The following NUAK2 variants were observed in gnomAD, a reference collection of about 807,000 sequenced individuals.
NUAK2 encodes the protein NUAK family SNF1-like kinase 2.
NUAK2 carries 20 observed loss-of-function variants against 29.8 expected under a neutral mutation model. That is an observed-to-expected ratio of 0.67 (90% confidence interval 0.47 to 0.98). The LOEUF (loss-of-function observed/expected upper bound fraction) is 0.98. Ranked by LOEUF, NUAK2 falls within the 50% of genes least tolerant of loss-of-function variation. NUAK2 has a pLI of 0.00. For missense variants in NUAK2, 719 were observed against 834.5 expected (o/e 0.86, Z 1.71); for synonymous variants, 331 against 342.6 (o/e 0.97, Z 0.37).
intron 1 of NUAK2, among the ~76,000 whole-genome samples, chr1:205,314,013 G>A (rs1289867559): frequency 6.6e-6 from 1 of 152,220 alleles, no homozygotes; most frequent in East Asian, 1.9e-4. Context: ...CTGCTCGAGG[G>A]GAGGAGCCTC....
At chr1:205,318,679 T>G (rs2102260925) in intron 1 of NUAK2, among the ~76,000 whole-genome samples, 1 of 152,358 alleles carries the variant, frequency 6.6e-6, no homozygotes, top group Non-Finnish European at 1.5e-5. Context: ...CTCCACCATT[T>G]CAGAGACCCC....
intron 5 of NUAK2, among the ~76,000 whole-genome samples, 158 bp downstream of exon 5, chr1:205,306,030 A>T (rs1322485161): frequency 6.6e-6 from 1 of 152,218 alleles, no homozygotes; most frequent in East Asian, 1.9e-4. Context: ...TAGTTTTGCC[A>T]TTCCTGGCTA....
Position 205,321,601 on chromosome 1 carries a change from A to T in NUAK2, c.28T>A (p.Ser10Thr). The change falls in exon 1 of 7, where the codon TCC becomes ACC. Residue 10 changes from serine to threonine, a missense_variant. This residue lies in a region of NUAK2 where 283 missense variants were observed against 345.6 expected (regional missense o/e 0.82). Transcript: ENST00000367157. MESLVFARR[S>T]GPTPSAAELA... ...TCTGCGGCCGAGGGAGTGGGGCCGG[A>T]GCGCCGCGCGAAAACCAGCGACTCC... 6.2e-7 allele frequency: 1 copy of T among 1,611,592 alleles called. No individual in the cohort carries two copies. The highest frequency in any genetic ancestry group is 8.5e-7 in the Non-Finnish European group (1 of 1,179,650).
intron 2 of NUAK2, among the ~76,000 whole-genome samples, chr1:205,311,398 G>A (rs1401396468): frequency 6.6e-6 from 1 of 152,172 alleles, no homozygotes; most frequent in Non-Finnish European, 1.5e-5. Flanking sequence ...AAAAAAACCT[G>A]CAATTCCTTG....
At position 205,304,404 on chromosome 1, in the gene NUAK2, C is replaced by T. The variant is rs368444433; in HGVS notation, c.933G>A (p.Val311=). Residue 311 remains valine, a synonymous_variant, in exon 7 of 7, where the codon GTG becomes GTA. Coordinates refer to ENST00000367157, the MANE Select transcript of NUAK2 (RefSeq NM_030952.3). The surrounding 1 kb of genome is among the most constrained non-coding windows in gnomAD (Gnocchi z 6.5). The stretch of plus-strand genomic sequence containing the variant: ...CCTCATGCGGAGCCTCCTGCTCTCC[C>T]ACTCGGGTGGCGTAGCCCCAGTTGA... ...WWVNWGYATR[V]GEQEAPHEGG... is the part of the protein sequence containing the mutation. The T allele has an allele frequency of 6.7e-4, 1,081 of 1,602,730 alleles. 1 individual carries two copies. Among genetic ancestry groups the T allele is most frequent in the Non-Finnish European group, 5.5e-4 (646 of 1,173,114 alleles).
At position 205,308,523 on chromosome 1, in the gene NUAK2, G is replaced by A. The variant is rs1662212266; in HGVS notation, c.504+58C>T. ...CATGGAACCTCTCTGGTCCAAAACA[G>A]CCCTAGAGCCCTGGGGACCACCCAC... On this transcript the variant is annotated intron_variant, in intron 3 of 6. Transcript: ENST00000367157. The surrounding 1 kb of genome is among the most constrained non-coding windows in gnomAD (Gnocchi z 4.1). 1 of 1,574,882 alleles carries A rather than the reference G, an allele frequency of 6.3e-7. No individual in the cohort carries two copies. Among genetic ancestry groups the A allele is most frequent in the South Asian group, 1.1e-5 (1 of 89,230 alleles).
Position 205,303,408 on chromosome 1 carries a change from G to A in NUAK2, c.*42C>T. ...ATCTCCCCTCGGGGTGCAACCAGCT[G>A]CATCTGAGAGCCTGACCGGGCTGGG... On this transcript the variant is annotated 3_prime_UTR_variant, in exon 7 of 7. Transcript: ENST00000367157. 1 of 1,488,828 alleles carries A rather than the reference G, an allele frequency of 6.7e-7. No individual in the cohort carries two copies. The highest frequency in any genetic ancestry group is 9.0e-7 in the Non-Finnish European group (1 of 1,111,568). 92.2% of individuals were successfully genotyped at this position (1,488,828 alleles called of 1,614,324 possible). A position where few individuals can be genotyped will look rare whatever the true frequency, so the allele number is the denominator to read the frequency against.
intron 1 of NUAK2, 54 bp downstream of exon 1, chr1:205,321,344 T>C (rs879929770): frequency 1.3e-6 from 2 of 1,494,066 alleles, no homozygotes; most frequent in South Asian, 1.3e-5. Flanking sequence ...CTCCGCTCCC[T>C]GCCGGCGGCC....
In NUAK2 at chr1:205,310,703, C is replaced by T. The variant is rs557136770; in HGVS notation, c.352+1002G>A. ...ACACACATATATATACACACACACA[C>T]CCCAATCACCACACTCAGCCTGGCT... On this transcript the variant is annotated intron_variant, in intron 2 of 6. Coordinates refer to ENST00000367157, the MANE Select transcript of NUAK2 (RefSeq NM_030952.3). 2.3e-3 allele frequency among the ~76,000 whole-genome samples: 355 copies of T among 152,274 alleles called. 2 individuals are homozygous for T. Among genetic ancestry groups the T allele is most frequent in the African/African-American group, 8.1e-3 (338 of 41,544 alleles).
Position 205,303,473 on chromosome 1 carries a change from T to TTTGAG in NUAK2, c.1863_1864insCTCAA (p.Arg622LeufsTer48). The TTTGAG allele has an allele frequency of 6.3e-7, 1 of 1,598,916 alleles. No homozygotes were observed. The highest frequency in any genetic ancestry group is 1.3e-5 in the African/African-American group (1 of 74,578). ...ACTCAGGTGAGCTTTGAGCAGACCC[T>TTTGAG]CAGTGCCTGTCGGTAGGTCGCTGTC... On this transcript the variant is annotated frameshift_variant, in exon 7 of 7. Transcript: ENST00000367157. LOFTEE classifies it high-confidence loss of function.
chr1:205,321,167 A>G (rs2102263188), intron 1 of NUAK2, among the ~76,000 whole-genome samples: 1 of 152,304 alleles, frequency 6.6e-6, no homozygotes, highest in African/African-American at 2.4e-5. Flanking sequence ...CAATCATCAC[A>G]GCAGTACGGT....
rs1288415428 is a variant in NUAK2, at chr1:205,308,582, T to C, written c.503A>G (p.Gln168Arg). The stretch of plus-strand genomic sequence containing the variant: ...TGGCTGGAGCAGGTAGGTGCTCACC[T>C]GATGGCAATAGTGCACGGCAGAGAC... ...QIVSAVHYCH[Q>R]NRVVHRDLKL... The change falls in exon 3 of 7, where the codon CAG becomes CGG. Residue 168 changes from glutamine to arginine, a missense_variant and splice_region_variant. Transcript: ENST00000367157. The surrounding 1 kb of genome is among the most constrained non-coding windows in gnomAD (Gnocchi z 4.1). 1.2e-6 allele frequency: 2 copies of C among 1,613,278 alleles called. No individual in the cohort carries two copies. The highest frequency in any genetic ancestry group is 1.7e-6 in the Non-Finnish European group (2 of 1,179,388).
chr1:205,303,922 A>C lies in NUAK2; in HGVS notation c.1415T>G (p.Leu472Trp). The change falls in exon 7 of 7, where the codon TTG (leucine) becomes TGG (tryptophan). Residue 472 changes from leucine to tryptophan, a missense_variant. Physicochemically the swap from Leu to Trp is moderately conservative, Grantham distance 61 (BLOSUM62 -2). This residue lies in a region of NUAK2 where 430 missense variants were observed against 465.7 expected (regional missense o/e 0.92). Coordinates refer to ENST00000367157, the MANE Select transcript of NUAK2 (RefSeq NM_030952.3). ...ACTCACAAACACGTCGCCTGCGTCC[A>C]AGAGCTCCCCAGATTCACTGGGCTC... ...SPEPSESGEL[L>W]DAGDVFVSGD... The C allele has an allele frequency of 6.2e-7, 1 of 1,614,028 alleles. No homozygotes were observed. Among genetic ancestry groups the C allele is most frequent in the Non-Finnish European group, 8.5e-7 (1 of 1,180,000 alleles).
chr1:205,310,147 C>T (rs1662236574), intron 2 of NUAK2, among the ~76,000 whole-genome samples: 1 of 152,248 alleles, frequency 6.6e-6, no homozygotes, highest in South Asian at 2.1e-4. Flanking sequence ...GTCCCAGCTT[C>T]CAGGGAATTG....
rs752409513 is a variant in NUAK2, at chr1:205,308,119, G to C, written c.570+46C>G. The C allele has an allele frequency of 1.2e-5, 16 of 1,338,368 alleles. No homozygotes were observed. In the East Asian group the frequency reaches 3.7e-4, roughly 31 times the overall value. The allele number at this position is 1,338,368 out of a possible 1,614,324, so 82.9% of individuals were successfully genotyped here. ...ACTTGGCTGGGGACAGTGCAGAAAA[G>C]CTGGGGTGGGCAAGGAGGCTTCTAG... On this transcript the variant is annotated intron_variant, in intron 4 of 6. Transcript: ENST00000367157. This position sits in a 1 kb window ranked among gnomAD's most constrained non-coding sequence, Gnocchi z 4.1.
At chr1:205,318,718 G>A (rs1263100973) in intron 1 of NUAK2, among the ~76,000 whole-genome samples, 3 of 152,234 alleles carry the variant, frequency 2.0e-5, no homozygotes, top group Non-Finnish European at 4.4e-5. Context: ...TAGGGGAAGG[G>A]GTGGCCAGGG....
rs1030560542 is a variant in NUAK2 at position 205,306,094 on chromosome 1, T to C, written c.690+94A>G. 6.8e-6 allele frequency: 10 copies of C among 1,465,118 alleles called. No individual in the cohort carries two copies. The African/African-American group carries it at 1.4e-4, about 21-fold the overall frequency. The allele number at this position is 1,465,118 out of a possible 1,614,324, so 90.8% of individuals were successfully genotyped here. ...AGGCTTGAGAGTTGTGCTCTGAAAA[T>C]GTGAATAACGAGAAAACTAGCCCAT... On this transcript the variant is annotated intron_variant, in intron 5 of 6. Transcript: ENST00000367157.
chr1:205,303,671 G>A lies in NUAK2; in HGVS notation c.1666C>T (p.Gln556Ter). The A allele has an allele frequency of 6.4e-7, 1 of 1,561,206 alleles. No homozygotes were observed. The highest frequency in any genetic ancestry group is 8.7e-7 in the Non-Finnish European group (1 of 1,155,044). ...DSILSSESFD[Q>*]LDLPERLPEP... ...GGGAGCCGTTCAGGCAAGTCCAGCT[G>A]GTCAAAGGACTCAGAGGACAGGATG... is the stretch of plus-strand genomic sequence containing the variant. Residue 556 changes from glutamine (Q) to a stop codon, truncating the protein, a stop_gained, in exon 7 of 7, where the codon CAG becomes TAG. Transcript: ENST00000367157. LOFTEE classifies it low-confidence loss of function (END_TRUNC).
chr1:205,311,562 C>G (rs1558674590), intron 2 of NUAK2, 143 bp downstream of exon 2: 9 of 1,052,288 alleles, frequency 8.6e-6, no homozygotes, highest in Non-Finnish European at 1.2e-5. Context: ...AGCTGAGTTT[C>G]AAATCCAGCT....
Sources: gnomAD v4.1 joint callset for allele counts (sites outside exome capture counted in the v4.1 genomes callset) on GRCh38, gnomAD v4.1.1 for gene constraint, gnomAD v4.1.1 regional missense constraint, Gnocchi (gnomAD v3.1) non-coding constraint, MANE v1.5 for transcripts, NCBI Gene and HGNC (gene_info 2026-07-23, HGNC 2026-07-21) for gene names.